The following KLHL2 variants were observed in gnomAD, a reference collection of about 807,000 sequenced individuals.
KLHL2 encodes the protein kelch like family member 2.
KLHL2 carries 15 observed loss-of-function variants against 75.8 expected under a neutral mutation model. The observed-to-expected ratio is 0.20, with a 90% confidence interval of 0.13 to 0.30. KLHL2 has a LOEUF of 0.30. KLHL2 is among the 10% of genes least tolerant of loss of function. The pLI, the probability that KLHL2 is intolerant of heterozygous loss-of-function variation, is 1.00. For missense variants in KLHL2, 381 were observed against 741.0 expected, an observed-to-expected ratio of 0.51 and a Z score of 5.64; for synonymous variants, 214 against 251.9, an observed-to-expected ratio of 0.85 and a Z score of 1.42.
In KLHL2 at chr4:165,317,904, A is replaced by G; in HGVS notation, c.1688A>G (p.Tyr563Cys). 1 of 1,614,002 alleles carries G rather than the reference A, an allele frequency of 6.2e-7. No individual in the cohort carries two copies. The highest frequency in any genetic ancestry group is 8.5e-7 in the Non-Finnish European group (1 of 1,179,862). Residue 563 changes from tyrosine to cysteine, a missense_variant, in exon 14 of 15, where the codon TAT (tyrosine) becomes TGT (cysteine). Physicochemically the swap from Tyr to Cys is radical, Grantham distance 194. Coordinates refer to ENST00000226725, the MANE Select transcript of KLHL2 (RefSeq NM_007246.4). ...GSCNLASVEY[Y>C]NPTTDKWTVV... Reference sequence around the variant, plus strand: ...TGTAACTTGGCGTCAGTAGAATATTATAACCCAACAACCGATAAATGGACA... The same window carrying G: ...TGTAACTTGGCGTCAGTAGAATATTGTAACCCAACAACCGATAAATGGACA...
intron 2 of KLHL2, among the ~76,000 whole-genome samples, chr4:165,228,341 C>G (rs370522848): frequency 1.0e-3 from 147 of 143,504 alleles, no homozygotes; most frequent in Non-Finnish European, 2.0e-3. Context: ...TATAATTTTA[C>G]CATTGCTTGA....
At chr4:165,321,987 G>C (rs1274799781) in intron 14 of KLHL2, 45 bp from the exon 15 acceptor site, 23 of 1,582,014 alleles carry the variant, frequency 1.5e-5, no homozygotes, top group Non-Finnish European at 1.8e-5. Context: ...GAGATACAGA[G>C]TGCTGCCTGT....
Position 165,279,268 on chromosome 4 carries a change from A to G in KLHL2, c.545-15091A>G, listed in dbSNP as rs759061622. On this transcript the variant is annotated intron_variant, in intron 5 of 14. Coordinates refer to ENST00000226725, the MANE Select transcript of KLHL2 (RefSeq NM_007246.4). ...TATTATTTCCTGGAATTCTTTTACT[A>G]AGACTCTCAACGGTAGACTGTGTTC... 20 of 1,532,824 alleles carry G rather than the reference A, an allele frequency of 1.3e-5. No individual in the cohort carries two copies. The South Asian group carries it at 2.2e-4, about 17-fold the overall frequency. The allele number at this position is 1,532,824 out of a possible 1,614,324, so 95.0% of individuals were successfully genotyped here.
chr4:165,228,790 C>G lies in KLHL2; in HGVS notation c.153-17C>G. Reference sequence around the variant, plus strand: ...TGTTGATATCATTTAAATTTTTTCTCTCTGCTTTTTACACAGTCAAAATTT... The same window carrying G: ...TGTTGATATCATTTAAATTTTTTCTGTCTGCTTTTTACACAGTCAAAATTT... On this transcript the variant is annotated splice_polypyrimidine_tract_variant and intron_variant, in intron 2 of 14. Transcript: ENST00000226725. 3 of 1,566,900 alleles carry G rather than the reference C, an allele frequency of 1.9e-6. No individual in the cohort carries two copies. Among genetic ancestry groups the G allele is most frequent in the South Asian group, 2.3e-5 (2 of 88,718 alleles).
chr4:165,273,148 TA>T (rs1366759493), intron 5 of KLHL2, among the ~76,000 whole-genome samples: 2 of 152,190 alleles, frequency 1.3e-5, no homozygotes, highest in Non-Finnish European at 2.9e-5. Context: ...GTTTTAATTA[TA>T]ACCTTCGTTA....
intron 1 of KLHL2, among the ~76,000 whole-genome samples, chr4:165,219,127 T>G (rs953900277): frequency 3.9e-5 from 6 of 152,182 alleles, no homozygotes; most frequent in African/African-American, 7.2e-5. Flanking sequence ...GAAAGAATAA[T>G]TCATGTAGCA....
rs189965336 is a variant in KLHL2, at chr4:165,220,896, G to T, written c.152+837G>T. On this transcript the variant is annotated intron_variant, in intron 2 of 14. Coordinates refer to ENST00000226725, the MANE Select transcript of KLHL2 (RefSeq NM_007246.4). ...GAGTAGCTTTTTTTTTAATTAAAAGGGTAATATATGTATTAAGAGTCTTGG... is the reference window on the plus strand; with the variant it reads ...GAGTAGCTTTTTTTTTAATTAAAAGTGTAATATATGTATTAAGAGTCTTGG... 3.8e-3 allele frequency among the ~76,000 whole-genome samples: 576 copies of T among 152,098 alleles called. 2 individuals are homozygous for T. Among genetic ancestry groups the T allele is most frequent in the African/African-American group, 0.013 (547 of 41,494 alleles).
chr4:165,296,290 TCTCC>T (rs371185413), intron 6 of KLHL2, among the ~76,000 whole-genome samples: 4 of 152,304 alleles, frequency 2.6e-5, no homozygotes, highest in African/African-American at 7.2e-5. Context: ...TCTCTCTAGG[TCTCC>T]CTCCTCTCCC....
intron 10 of KLHL2, 103 bp downstream of exon 10, chr4:165,310,853 G>GT: frequency 7.2e-5 from 52 of 725,126 alleles, no homozygotes; most frequent in Admixed American, 1.1e-4. Context: ...GAGGTTTTTT[G>GT]TGTTTTTTTT....
intron 7 of KLHL2, 102 bp downstream of exon 7, chr4:165,297,827 A>T (rs1267517162): frequency 2.5e-6 from 2 of 802,798 alleles, no homozygotes; most frequent in Non-Finnish European, 4.4e-6. Context: ...TAGAATGCAG[A>T]TCTGTGGAGT....
chr4:165,220,206 A>G (rs1326108401), intron 2 of KLHL2, 147 bp downstream of exon 2: 26 of 1,316,428 alleles, frequency 2.0e-5, no homozygotes, highest in Non-Finnish European at 2.5e-5. Context: ...TTTAAAGGAA[A>G]AGAGCAAATA....
At chr4:165,223,127 G>C (rs1560980991) in intron 2 of KLHL2, among the ~76,000 whole-genome samples, 1 of 152,198 alleles carries the variant, frequency 6.6e-6, no homozygotes, top group Non-Finnish European at 1.5e-5. Flanking sequence ...ATCCCAGCCT[G>C]GTAAGAGCTT....
rs200127698 is a variant in KLHL2 at position 165,313,373 on chromosome 4, G to T, written c.1468+7G>T. 6 of 1,486,826 alleles carry T rather than the reference G, an allele frequency of 4.0e-6. No individual in the cohort carries two copies. In the Admixed American group the frequency reaches 1.5e-4, roughly 38 times the overall value. The allele number at this position is 1,486,826 out of a possible 1,614,324, so 92.1% of individuals were successfully genotyped here. On this transcript the variant is annotated splice_region_variant and intron_variant, in intron 12 of 14. Transcript: ENST00000226725. ...ACCAGGCGGAGTGGAGCAGGTACAT[G>T]TGAACCTGTTTTAGCAACTGAAGCA... is the stretch of plus-strand genomic sequence containing the variant.
At chr4:165,299,839 T>C (rs1227994088) in intron 8 of KLHL2, among the ~76,000 whole-genome samples, 183 bp downstream of exon 8, 1 of 152,138 alleles carries the variant, frequency 6.6e-6, no homozygotes, top group African/African-American at 2.4e-5. Context: ...ATGTTAAGGG[T>C]GGGGATTCTT....
At position 165,305,742 on chromosome 4, in the gene KLHL2, A is replaced by C; in HGVS notation, c.1039+17A>C. The C allele has an allele frequency of 6.6e-7, 1 of 1,524,752 alleles. No homozygotes were observed. The highest frequency in any genetic ancestry group is 9.1e-7 in the Non-Finnish European group (1 of 1,098,280). 94.5% of individuals were successfully genotyped at this position (1,524,752 alleles called of 1,614,324 possible). Reference sequence around the variant, plus strand: ...GCAGGGCAGGTAAGCATGATGCATCATGGTCAATTCTCTACTCCTGGGTCA... The same window carrying C: ...GCAGGGCAGGTAAGCATGATGCATCCTGGTCAATTCTCTACTCCTGGGTCA... On this transcript the variant is annotated intron_variant, in intron 9 of 14. Coordinates refer to ENST00000226725, the MANE Select transcript of KLHL2 (RefSeq NM_007246.4).
chr4:165,264,747 T>TAC (rs1487021976), intron 5 of KLHL2, among the ~76,000 whole-genome samples: 12 of 83,700 alleles, frequency 1.4e-4, no homozygotes, highest in East Asian at 1.2e-3. Flanking sequence ...TATGTATATA[T>TAC]ATATATATAT....
chr4:165,231,017 A>C (rs1738839825), intron 3 of KLHL2, among the ~76,000 whole-genome samples: 1 of 152,258 alleles, frequency 6.6e-6, no homozygotes, highest in African/African-American at 2.4e-5. Context: ...TTTTATGCTT[A>C]GCCAAATTTT....
intron 9 of KLHL2, among the ~76,000 whole-genome samples, chr4:165,309,474 T>C (rs1745987602): frequency 6.6e-6 from 1 of 152,212 alleles, no homozygotes; most frequent in Admixed American, 6.5e-5. Flanking sequence ...AATATCTCTT[T>C]AGCCCAAGGA....
intron 4 of KLHL2, among the ~76,000 whole-genome samples, chr4:165,253,298 T>A (rs1740892760): frequency 6.6e-6 from 1 of 152,194 alleles, no homozygotes; most frequent in African/African-American, 2.4e-5. Context: ...CCTCCCAAAG[T>A]GCTGGGATTA....
Sources: allele counts gnomAD v4.1 joint callset (sites outside exome capture counted in the v4.1 genomes callset), GRCh38; gene constraint gnomAD v4.1.1; transcripts MANE v1.5; gene names NCBI Gene and HGNC (gene_info 2026-07-23, HGNC 2026-07-21).